The following PALM2AKAP2 variants were observed in gnomAD, a reference collection of about 807,000 sequenced individuals.
PALM2AKAP2 encodes PALM2-AKAP2 fusion protein.
In PALM2AKAP2, 37 loss-of-function variants were observed where a neutral mutation model predicts 71.5. The observed-to-expected ratio is 0.52, with a 90% CI of 0.40 to 0.68. The LOEUF (loss-of-function observed/expected upper bound fraction) is 0.68, where lower values mean the gene tolerates loss of function less well. PALM2AKAP2 is among the 30% of genes least tolerant of loss of function. The pLI is 0.00. For synonymous variants in PALM2AKAP2, 468 were observed against 478.8 expected (o/e 0.98, Z 0.29); for missense variants, 1,224 against 1,191.8 (o/e 1.03, Z -0.40).
At chr9:109,943,677 C>T in intron 6 of PALM2AKAP2, 1 of 468,934 alleles carries the variant, frequency 2.1e-6, no homozygotes. Flanking sequence ...GAGTGAATCA[C>T]TTCCTTCCTG....
At chr9:109,850,712 T>C (rs1484175440) in intron 1 of PALM2AKAP2, among the ~76,000 whole-genome samples, 1 of 152,098 alleles carries the variant, frequency 6.6e-6, no homozygotes, top group Admixed American at 6.5e-5. Flanking sequence ...ACTGCAAAAA[T>C]AGAAAAGTGG....
chr9:109,693,125 G>A (rs1025177247), intron 1 of PALM2AKAP2, among the ~76,000 whole-genome samples: 16 of 151,894 alleles, frequency 1.1e-4, no homozygotes, highest in Non-Finnish European at 2.1e-4. Flanking sequence ...TTGTGAGAAT[G>A]TTTCCAATGC....
chr9:109,691,714 A>G (rs1224768915), intron 1 of PALM2AKAP2, among the ~76,000 whole-genome samples: 1 of 150,312 alleles, frequency 6.7e-6, no homozygotes, highest in Non-Finnish European at 1.5e-5. Flanking sequence ...AACCTCTCAT[A>G]TTATGGTAAG....
chr9:109,820,713 T>C (rs1827971669), intron 1 of PALM2AKAP2, among the ~76,000 whole-genome samples: 1 of 152,230 alleles, frequency 6.6e-6, no homozygotes, highest in Non-Finnish European at 1.5e-5. Flanking sequence ...TCTCCTTCAG[T>C]TGTAGTCGTT....
intron 1 of PALM2AKAP2, among the ~76,000 whole-genome samples, chr9:110,113,713 A>G (rs1277039225): frequency 6.6e-6 from 1 of 152,006 alleles, no homozygotes; most frequent in Non-Finnish European, 1.5e-5. Context: ...TTGTATTTTT[A>G]GTAGAGATGG....
At chr9:109,690,912 A>C (rs941813960) in intron 1 of PALM2AKAP2, among the ~76,000 whole-genome samples, 3 of 152,168 alleles carry the variant, frequency 2.0e-5, no homozygotes, top group African/African-American at 7.2e-5. Context: ...GCATATGCAC[A>C]CTGGCCACTT....
chr9:109,993,013 G>A (rs143893177), intron 6 of PALM2AKAP2, among the ~76,000 whole-genome samples: 17 of 151,140 alleles, frequency 1.1e-4, no homozygotes, highest in African/African-American at 3.9e-4. Context: ...CCTGGGGACT[G>A]CAACCCAGGA....
intron 6 of PALM2AKAP2, among the ~76,000 whole-genome samples, chr9:109,966,431 C>G (rs1023105607): frequency 6.6e-6 from 1 of 152,230 alleles, no homozygotes; most frequent in African/African-American, 2.4e-5. Context: ...TGCTAATGTT[C>G]TAATACCAGT....
At chr9:109,711,760 C>T (rs1828242915) in intron 1 of PALM2AKAP2, among the ~76,000 whole-genome samples, 1 of 152,220 alleles carries the variant, frequency 6.6e-6, no homozygotes, top group African/African-American at 2.4e-5. Context: ...GCTTTTCCCT[C>T]CAGGGAAATC....
At chr9:109,993,780 C>G (rs1430633795) in intron 6 of PALM2AKAP2, among the ~76,000 whole-genome samples, 2 of 151,478 alleles carry the variant, frequency 1.3e-5, no homozygotes, top group Admixed American at 6.6e-5. Context: ...CTCTCTCTCC[C>G]TCTTCTTTTT....
intron 6 of PALM2AKAP2, among the ~76,000 whole-genome samples, chr9:110,004,586 G>C (rs1431529045): frequency 6.6e-6 from 1 of 152,186 alleles, no homozygotes; most frequent in African/African-American, 2.4e-5. Context: ...TGCCTTGCTA[G>C]ATTGGGGAAG....
intron 1 of PALM2AKAP2, chr9:109,765,406 A>G (rs1343489763): frequency 6.5e-6 from 1 of 153,080 alleles, no homozygotes; most frequent in Non-Finnish European, 1.5e-5. Context: ...GTGCTCAGTA[A>G]TGTTACCTGC....
intron 7 of PALM2AKAP2, among the ~76,000 whole-genome samples, chr9:110,027,349 G>A (rs1833199254): frequency 6.6e-6 from 1 of 152,136 alleles, no homozygotes; most frequent in Non-Finnish European, 1.5e-5. Context: ...TAAAAATTTT[G>A]TGATTTGGCT....
chr9:109,743,383 T>G, intron 1 of PALM2AKAP2, among the ~76,000 whole-genome samples: 1 of 152,104 alleles, frequency 6.6e-6, no homozygotes, highest in East Asian at 1.9e-4. Flanking sequence ...ACCCCACCCG[T>G]GCAGAGCTGC....
chr9:109,643,341 G>A (rs1458928223), intron 1 of PALM2AKAP2, among the ~76,000 whole-genome samples: 2 of 152,180 alleles, frequency 1.3e-5, no homozygotes, highest in Admixed American at 1.3e-4. Flanking sequence ...TCCTCTCACT[G>A]GGTAGCGCTA....
At chr9:109,766,771 C>A (rs771101553) in intron 1 of PALM2AKAP2, among the ~76,000 whole-genome samples, 4 of 152,164 alleles carry the variant, frequency 2.6e-5, no homozygotes, top group Admixed American at 2.0e-4. Context: ...CCAACACAGA[C>A]CTTCTCATGA....
chr9:110,071,144 A>G, intron 1 of PALM2AKAP2, among the ~76,000 whole-genome samples: 1 of 101,760 alleles, frequency 9.8e-6, no homozygotes, highest in Non-Finnish European at 1.9e-5. Context: ...AGCCTGGGCA[A>G]CAGAGCGAGA....
intron 1 of PALM2AKAP2, among the ~76,000 whole-genome samples, chr9:109,838,591 T>C (rs1473551968): frequency 6.6e-6 from 1 of 152,172 alleles, no homozygotes; most frequent in Non-Finnish European, 1.5e-5. Flanking sequence ...ATCCAGGAGC[T>C]GGTTTTTTGA....
chr9:109,791,680 T>A (rs10980040), intron 1 of PALM2AKAP2, among the ~76,000 whole-genome samples: 25,850 of 152,074 alleles, frequency 0.17, 2,731 homozygotes, highest in East Asian at 0.34. Context: ...TGTGCACAGG[T>A]ACCAGGTTGA....
Sources: gnomAD v4.1 joint callset for allele counts (sites outside exome capture counted in the v4.1 genomes callset) on GRCh38, gnomAD v4.1.1 for gene constraint, MANE v1.5 for transcripts, NCBI Gene and HGNC (gene_info 2026-07-23, HGNC 2026-07-21) for gene names.